Variants in KCNK13 observed in about 807,000 individuals in gnomAD.
KCNK13 encodes potassium channel subfamily K member 13.
Under a neutral mutation model 23.4 loss-of-function variants are expected in KCNK13, and 12 were observed. The ratio of observed to expected loss-of-function variants is 0.51; its 90% confidence interval spans 0.33 to 0.83. The LOEUF is 0.83. KCNK13 is among the 40% of genes least tolerant of loss of function. The probability of loss-of-function intolerance (pLI) is 0.02; values close to 1 mark genes in which losing one functional copy is unlikely to be tolerated. For missense variants in KCNK13, 463 were observed against 556.3 expected, an observed-to-expected ratio of 0.83 and a Z score of 1.69; for synonymous variants, 231 against 229.5, an observed-to-expected ratio of 1.01 and a Z score of -0.06.
chr14:90,136,878 C>A (rs555171802), intron 1 of KCNK13, among the ~76,000 whole-genome samples: 2 of 152,092 alleles, frequency 1.3e-5, no homozygotes, highest in Admixed American at 1.3e-4. Context: ...GTTACCCCCA[C>A]GAAGGTCTTT....
chr14:90,080,416 A>G (rs564225910), intron 1 of KCNK13, among the ~76,000 whole-genome samples: 27 of 152,286 alleles, frequency 1.8e-4, no homozygotes, highest in Non-Finnish European at 3.2e-4. Context: ...AGATCACTCT[A>G]TTGTACTCCA....
At chr14:90,089,637 A>G (rs56039212) in intron 1 of KCNK13, among the ~76,000 whole-genome samples, 28,910 of 152,196 alleles carry the variant, frequency 0.19, 2,801 homozygotes, top group Middle Eastern at 0.25. Context: ...ACAATGGGGA[A>G]AATATCTCCA....
At chr14:90,090,229 G>A (rs901163745) in intron 1 of KCNK13, among the ~76,000 whole-genome samples, 4 of 152,336 alleles carry the variant, frequency 2.6e-5, no homozygotes, top group African/African-American at 9.6e-5. Context: ...AAAGCCACAG[G>A]GGCAGAGCTG....
intron 1 of KCNK13, among the ~76,000 whole-genome samples, chr14:90,137,035 A>T (rs577172254): frequency 3.9e-5 from 6 of 152,318 alleles, no homozygotes; most frequent in African/African-American, 1.4e-4. Context: ...GGAATTACCC[A>T]CAGGTCATGG....
Position 90,184,735 on chromosome 14 carries a change from G to A in KCNK13, c.959G>A (p.Arg320Gln), listed in dbSNP as rs150186575. The part of the protein sequence containing the change: ...RRNVVMPGSV[R>Q]NRCNISIETD... ...AACGTGGTGATGCCAGGCAGCGTCC[G>A]GAACCGCTGCAACATCTCCATAGAG... Residue 320 changes from arginine (R) to glutamine (Q), a missense_variant, in exon 2 of 2, where the codon CGG becomes CAG. Around this residue, in one of 3 missense-constraint regions of KCNK13, gnomAD observed 166 missense variants for 178.8 expected, o/e 0.93. Coordinates refer to ENST00000282146, the MANE Select transcript of KCNK13 (RefSeq NM_022054.4). This position sits in a 1 kb window ranked among gnomAD's most constrained non-coding sequence, Gnocchi z 5.6. 9.3e-6 allele frequency: 15 copies of A among 1,614,156 alleles called. No individual in the cohort carries two copies. The highest frequency in any genetic ancestry group is 2.2e-5 in the East Asian group (1 of 44,886).
chr14:90,165,121 G>A (rs924062692), intron 1 of KCNK13, among the ~76,000 whole-genome samples: 5 of 152,154 alleles, frequency 3.3e-5, no homozygotes, highest in Admixed American at 1.3e-4. Context: ...ATCAGATCTC[G>A]TGAGACTTAT....
chr14:90,124,186 T>C (rs1889770173), intron 1 of KCNK13, among the ~76,000 whole-genome samples: 1 of 152,240 alleles, frequency 6.6e-6, no homozygotes, highest in Admixed American at 6.5e-5. Flanking sequence ...CTCCGGTTAA[T>C]GTGCACTCAG....
intron 1 of KCNK13, among the ~76,000 whole-genome samples, chr14:90,103,204 A>G (rs571829159): frequency 6.6e-6 from 1 of 152,294 alleles, no homozygotes; most frequent in South Asian, 2.1e-4. Flanking sequence ...ACCTAGGTTG[A>G]TTCTATGTCT....
At chr14:90,118,959 T>A (rs1889706568) in intron 1 of KCNK13, among the ~76,000 whole-genome samples, 1 of 152,110 alleles carries the variant, frequency 6.6e-6, no homozygotes, top group East Asian at 1.9e-4. Context: ...GCAAAGAGGA[T>A]GTTACCACTG....
intron 1 of KCNK13, among the ~76,000 whole-genome samples, chr14:90,066,423 C>T (rs1045422636): frequency 2.6e-5 from 4 of 151,934 alleles, no homozygotes; most frequent in African/African-American, 7.3e-5. Flanking sequence ...CAAGCCACCA[C>T]ACCCAGCTAA....
intron 1 of KCNK13, among the ~76,000 whole-genome samples, chr14:90,118,613 A>G (rs1230086264): frequency 6.6e-6 from 1 of 152,176 alleles, no homozygotes; most frequent in Non-Finnish European, 1.5e-5. Flanking sequence ...ATTTTTGAAT[A>G]TTTAAGAGTA....
At chr14:90,082,343 G>A in intron 1 of KCNK13, among the ~76,000 whole-genome samples, 1 of 151,962 alleles carries the variant, frequency 6.6e-6, no homozygotes, top group East Asian at 1.9e-4. Flanking sequence ...AGGATTACAG[G>A]CATGAGCCAC....
chr14:90,091,800 A>G (rs1191593475), intron 1 of KCNK13, among the ~76,000 whole-genome samples: 1 of 151,992 alleles, frequency 6.6e-6, no homozygotes, highest in African/African-American at 2.4e-5. Context: ...GGCAGGGGAG[A>G]AGGAGAAGAC....
intron 1 of KCNK13, among the ~76,000 whole-genome samples, chr14:90,076,146 G>C (rs1033780642): frequency 2.0e-5 from 3 of 152,232 alleles, no homozygotes; most frequent in Non-Finnish European, 4.4e-5. Flanking sequence ...GTTGCCTGTA[G>C]TACTGCTTCT....
chr14:90,092,845 G>A (rs1489838528), intron 1 of KCNK13, among the ~76,000 whole-genome samples: 1 of 148,136 alleles, frequency 6.8e-6, no homozygotes, highest in Non-Finnish European at 1.5e-5. Flanking sequence ...CCAGGAGGTC[G>A]AGGCTGCAGT....
chr14:90,062,230 G>C lies in KCNK13; in HGVS notation c.25G>C (p.Gly9Arg), dbSNP rs1184619039. ...CATGGCTGGCCGGGGTTTCAGCTGG[G>C]GCCCGGGCCACCTGAACGAGGACAA... MAGRGFSW[G>R]PGHLNEDNAR... Residue 9 changes from glycine to arginine, a missense_variant, in exon 1 of 2, where the codon GGC becomes CGC. This residue lies in a region of KCNK13 where 153 missense variants were observed against 153.6 expected (regional missense o/e 1.00). Coordinates refer to ENST00000282146, the MANE Select transcript of KCNK13 (RefSeq NM_022054.4). The surrounding 1 kb of genome is among the most constrained non-coding windows in gnomAD (Gnocchi z 4.5). 6.6e-7 allele frequency: 1 copy of C among 1,504,714 alleles called. No homozygotes were observed. The highest frequency in any genetic ancestry group is 1.4e-5 in the African/African-American group (1 of 69,478). 93.2% of individuals were successfully genotyped at this position (1,504,714 alleles called of 1,614,324 possible). A position where few individuals can be genotyped will look rare whatever the true frequency, so the allele number is the denominator to read the frequency against.
intron 1 of KCNK13, among the ~76,000 whole-genome samples, chr14:90,150,341 G>A (rs1306014941): frequency 1.3e-5 from 2 of 151,666 alleles, no homozygotes; most frequent in Non-Finnish European, 1.5e-5. Flanking sequence ...TGGGCCAGGT[G>A]TACTGGCTCA....
chr14:90,132,062 A>C (rs978283488), intron 1 of KCNK13, among the ~76,000 whole-genome samples: 1 of 152,254 alleles, frequency 6.6e-6, no homozygotes, highest in African/African-American at 2.4e-5. Flanking sequence ...GAAAAACAAA[A>C]TGTGGTCTAT....
chr14:90,182,211 G>A (rs531687889), intron 1 of KCNK13, among the ~76,000 whole-genome samples: 1 of 152,236 alleles, frequency 6.6e-6, no homozygotes, highest in South Asian at 2.1e-4. Context: ...CCCAAATGCA[G>A]CTCCTTGTGT....
Sources: allele counts gnomAD v4.1 joint callset (sites outside exome capture counted in the v4.1 genomes callset), GRCh38; gene constraint gnomAD v4.1.1; regional missense constraint gnomAD v4.1.1; non-coding constraint Gnocchi (gnomAD v3.1); transcripts MANE v1.5; gene names NCBI Gene and HGNC (gene_info 2026-07-23, HGNC 2026-07-21).